TDRD1: variants seen among roughly 807,000 people sequenced by gnomAD.
TDRD1 encodes the protein tudor domain-containing protein 1.
A neutral mutation model predicts 140.6 loss-of-function variants in TDRD1; 37 were observed. The observed-to-expected ratio is 0.26, with a 90% confidence interval of 0.20 to 0.35. The LOEUF (loss-of-function observed/expected upper bound fraction) is 0.35, where lower values mean the gene tolerates loss of function less well. TDRD1 is among the 10% of genes least tolerant of loss of function. TDRD1 has a pLI of 1.00. For synonymous variants in TDRD1, 506 were observed against 475.7 expected, an observed-to-expected ratio of 1.06 and a Z score of -0.83; for missense variants, 1,243 against 1,393.0, an observed-to-expected ratio of 0.89 and a Z score of 1.71.
exon 1 of TDRD1, chr10:114,179,375 C>A (rs1359701068): frequency 6.6e-6 from 1 of 152,640 alleles, no homozygotes; most frequent in African/African-American, 2.4e-5. Flanking sequence ...CGCCAGACCG[C>A]AGAGACAGGT....
At chr10:114,201,645 C>A (rs1589679891) in intron 5 of TDRD1, 130 bp downstream of exon 5, 1 of 666,728 alleles carries the variant, frequency 1.5e-6, no homozygotes, top group East Asian at 2.8e-5. Context: ...ACAAAGTGTA[C>A]AAATCTGAAG....
chr10:114,181,845 CAA>C (rs11307772), intron 1 of TDRD1, among the ~76,000 whole-genome samples: 23,006 of 133,978 alleles, frequency 0.17, 1,913 homozygotes, highest in African/African-American at 0.24. Context: ...GACAACATCT[CAA>C]AAAAAAAAAA....
chr10:114,203,301 G>A (rs2034885281), intron 7 of TDRD1, 87 bp from the exon 8 acceptor site: 1 of 1,517,904 alleles, frequency 6.6e-7, no homozygotes, highest in Non-Finnish European at 8.9e-7. Flanking sequence ...CTACAATGCT[G>A]TTTGTGTCTT....
chr10:114,222,555 T>G, intron 20 of TDRD1, 32 bp from the exon 21 acceptor site: 1 of 1,415,694 alleles, frequency 7.1e-7, no homozygotes, highest in Non-Finnish European at 9.9e-7. Flanking sequence ...CTGGAAATTT[T>G]CTTCACAAAA....
intron 19 of TDRD1, 152 bp from the exon 20 acceptor site, chr10:114,221,205 T>C (rs907477163): frequency 2.3e-5 from 20 of 861,004 alleles, no homozygotes; most frequent in Non-Finnish European, 3.3e-5. Flanking sequence ...TAGAATAGAT[T>C]GTTTTGTGAA....
chr10:114,213,634 G>C (rs773964440), intron 15 of TDRD1, 46 bp downstream of exon 15: 1 of 1,550,710 alleles, frequency 6.4e-7, no homozygotes, highest in Non-Finnish European at 8.8e-7. Context: ...GAGTTCAGAT[G>C]GTTCTATAAA....
intron 3 of TDRD1, 37 bp downstream of exon 3, chr10:114,191,056 A>G: frequency 1.3e-6 from 2 of 1,580,596 alleles, no homozygotes; most frequent in Middle Eastern, 1.7e-4. Context: ...TGTTTGGGTA[A>G]AAGATTCTAA....
chr10:114,214,904 ATTT>A (rs1004740630), intron 16 of TDRD1, among the ~76,000 whole-genome samples: 9 of 148,836 alleles, frequency 6.0e-5, no homozygotes, highest in African/African-American at 1.7e-4. Context: ...CGCCCAGTTA[ATTT>A]TTTTTTTGTA....
chr10:114,208,017 C>T (rs1481797070), intron 11 of TDRD1, among the ~76,000 whole-genome samples: 1 of 152,004 alleles, frequency 6.6e-6, no homozygotes, highest in South Asian at 2.1e-4. Context: ...AGTGATGCCA[C>T]ACGGAGCAGG....
chr10:114,178,470 T>A (rs1234490503), upstream of TDRD1, among the ~76,000 whole-genome samples: 1 of 152,230 alleles, frequency 6.6e-6, no homozygotes, highest in Non-Finnish European at 1.5e-5. Context: ...TCATTAATCT[T>A]GTCCGTTAGG....
intron 14 of TDRD1, among the ~76,000 whole-genome samples, chr10:114,212,991 T>G (rs908061953): frequency 1.3e-5 from 2 of 152,226 alleles, no homozygotes; most frequent in Non-Finnish European, 2.9e-5. Flanking sequence ...TGTAGATTTG[T>G]GTTTCTGGAC....
chr10:114,228,415 G>T, intron 25 of TDRD1: 1 of 1,112,286 alleles, frequency 9.0e-7, no homozygotes, highest in Non-Finnish European at 1.1e-6. Flanking sequence ...GATATGTGGA[G>T]GGACTTGTAA....
intron 25 of TDRD1, among the ~76,000 whole-genome samples, chr10:114,230,518 C>T (rs1296765239): frequency 6.6e-6 from 1 of 152,188 alleles, no homozygotes; most frequent in Non-Finnish European, 1.5e-5. Context: ...GAGAGGGTTA[C>T]ATGACTGTCC....
At chr10:114,232,504 CTTTTTTTT>C (rs140805425), downstream of TDRD1, among the ~76,000 whole-genome samples, 10 of 81,666 alleles carry the variant, frequency 1.2e-4, no homozygotes, top group Admixed American at 3.1e-4. Flanking sequence ...ACTTGAAAGA[CTTTTTTTT>C]TTTTTTTTTT....
At chr10:114,204,239 A>T (rs370380215) in intron 9 of TDRD1, 23 bp downstream of exon 9, 7 of 1,569,622 alleles carry the variant, frequency 4.5e-6, no homozygotes, top group Non-Finnish European at 6.0e-6. Context: ...TACTTTCTAG[A>T]TTTTTAATAG....
At chr10:114,218,975 A>C (rs2035975549) in intron 18 of TDRD1, among the ~76,000 whole-genome samples, 2 of 152,372 alleles carry the variant, frequency 1.3e-5, no homozygotes, top group East Asian at 3.9e-4. Flanking sequence ...ATAAATAGTC[A>C]ATAATAGCAG....
At chr10:114,205,149 C>G (rs1442769205) in intron 10 of TDRD1, among the ~76,000 whole-genome samples, 1 of 152,206 alleles carries the variant, frequency 6.6e-6, no homozygotes, top group Non-Finnish European at 1.5e-5. Context: ...AATATCTACT[C>G]CTGAATATTG....
chr10:114,188,932 C>T (rs1262899583), intron 2 of TDRD1, among the ~76,000 whole-genome samples: 1 of 151,446 alleles, frequency 6.6e-6, no homozygotes, highest in African/African-American at 2.4e-5. Context: ...AGAATTTAGC[C>T]TCTTTGAAGG....
chr10:114,207,113 C>T (rs991017814), intron 11 of TDRD1, among the ~76,000 whole-genome samples: 1 of 152,236 alleles, frequency 6.6e-6, no homozygotes, highest in African/African-American at 2.4e-5. Context: ...CAGCATTTTA[C>T]TTCCTCATTG....
Sources: gnomAD v4.1 joint callset for allele counts (sites outside exome capture counted in the v4.1 genomes callset) on GRCh38, gnomAD v4.1.1 for gene constraint, MANE v1.5 for transcripts, NCBI Gene and HGNC (gene_info 2026-07-23, HGNC 2026-07-21) for gene names.